The following SAXO2 variants were observed in gnomAD, a reference collection of about 807,000 sequenced individuals.
SAXO2 encodes the protein stabilizer of axonemal microtubules 2, also known as family with sequence similarity 154, member B.
In SAXO2, 17 loss-of-function variants were observed where a neutral mutation model predicts 18.7. The observed-to-expected ratio is 0.91, with a 90% CI of 0.62 to 1.36. The LOEUF (loss-of-function observed/expected upper bound fraction) is 1.36, where lower values mean the gene tolerates loss of function less well. Ranked by LOEUF, SAXO2 falls within the 40% of genes most tolerant of loss-of-function variation. The probability of loss-of-function intolerance (pLI) is 0.00; values close to 1 mark genes in which losing one functional copy is unlikely to be tolerated. For missense variants in SAXO2, 486 were observed against 562.6 expected, an observed-to-expected ratio of 0.86 and a Z score of 1.38; for synonymous variants, 163 against 181.2, an observed-to-expected ratio of 0.90 and a Z score of 0.81.
chr15:82,269,188 G>T (rs548409978), intron 2 of SAXO2, among the ~76,000 whole-genome samples: 25 of 152,262 alleles, frequency 1.6e-4, no homozygotes, highest in Admixed American at 6.5e-4. Flanking sequence ...ATTAGAAATG[G>T]CAATCAAAAC....
chr15:82,271,342 A>G (rs567171877), intron 2 of SAXO2, among the ~76,000 whole-genome samples: 1 of 152,344 alleles, frequency 6.6e-6, no homozygotes. Context: ...AGATCCGATT[A>G]ACTGAGATCT....
chr15:82,267,254 A>G (rs753991735), intron 2 of SAXO2, among the ~76,000 whole-genome samples: 7 of 152,176 alleles, frequency 4.6e-5, no homozygotes, highest in Non-Finnish European at 7.3e-5. Flanking sequence ...ATGTAAGATG[A>G]ATATTGGTTC....
intron 2 of SAXO2, among the ~76,000 whole-genome samples, chr15:82,266,929 A>G (rs2075223816): frequency 6.6e-6 from 1 of 152,198 alleles, no homozygotes. Flanking sequence ...TATACTTTTC[A>G]TTTGGACTTA....
At chr15:82,281,202 T>C (rs1274698668) in intron 3 of SAXO2, among the ~76,000 whole-genome samples, 3 of 152,160 alleles carry the variant, frequency 2.0e-5, no homozygotes, top group Non-Finnish European at 2.9e-5. Flanking sequence ...CATGGAGAAA[T>C]AGAAAACACA....
intron 3 of SAXO2, among the ~76,000 whole-genome samples, chr15:82,280,218 C>T (rs2075351352): frequency 6.6e-6 from 1 of 152,036 alleles, no homozygotes; most frequent in African/African-American, 2.4e-5. Context: ...TACATTCATA[C>T]TATTGTATGC....
chr15:82,273,199 C>T lies in SAXO2; in HGVS notation c.433+1397C>T, dbSNP rs148187761. Among the ~76,000 whole-genome samples the T allele has an allele frequency of 3.1e-4, 47 of 152,222 alleles. No individual in the cohort carries two copies. In the East Asian group the frequency reaches 5.0e-3, roughly 16 times the overall value. On this transcript the variant is annotated intron_variant, in intron 3 of 3. Coordinates refer to ENST00000682753, the MANE Select transcript of SAXO2 (RefSeq NM_001348699.2). ...GGGATTACAGATGTGAGCCCCTGCACCTGGCCTAAAAATAGGCTATTTTAG... is the reference window on the plus strand; with the variant it reads ...GGGATTACAGATGTGAGCCCCTGCATCTGGCCTAAAAATAGGCTATTTTAG...
At chr15:82,271,137 A>G (rs1000022697) in intron 2 of SAXO2, among the ~76,000 whole-genome samples, 4 of 152,244 alleles carry the variant, frequency 2.6e-5, no homozygotes, top group African/African-American at 9.6e-5. Context: ...ATAAGCGAGA[A>G]AACAGCATGA....
intron 2 of SAXO2, among the ~76,000 whole-genome samples, chr15:82,269,389 G>T (rs1220355222): frequency 6.6e-6 from 1 of 152,146 alleles, no homozygotes; most frequent in African/African-American, 2.4e-5. Flanking sequence ...AGAGAGAGTA[G>T]CTTGTAGCAG....
intron 2 of SAXO2, among the ~76,000 whole-genome samples, chr15:82,267,129 T>A (rs1409763045): frequency 2.6e-5 from 4 of 152,162 alleles, no homozygotes; most frequent in African/African-American, 9.7e-5. Flanking sequence ...TTTGCCAAGG[T>A]TGAGGGTGCA....
At position 82,282,956 on chromosome 15, in the gene SAXO2, T is replaced by C; in HGVS notation, c.1271T>C (p.Ile424Thr). 6.2e-7 allele frequency: 1 copy of C among 1,614,090 alleles called. No individual in the cohort carries two copies. The highest frequency in any genetic ancestry group is 8.5e-7 in the Non-Finnish European group (1 of 1,180,000). ...SVEYTPKRQE[I>T]CPASYPSPPG... is the part of the protein sequence containing the mutation. ...GAGTACACACCGAAAAGACAGGAAA[T>C]TTGCCCAGCCAGCTATCCCTCTCCT... Residue 424 changes from isoleucine to threonine, a missense_variant, in exon 4 of 4, where the codon ATT becomes ACT. Coordinates refer to ENST00000682753, the MANE Select transcript of SAXO2 (RefSeq NM_001348699.2).
chr15:82,266,272 G>A (rs1364174059), intron 2 of SAXO2, among the ~76,000 whole-genome samples: 13 of 152,216 alleles, frequency 8.5e-5, no homozygotes, highest in Non-Finnish European at 1.3e-4. Flanking sequence ...GCCTGACCTA[G>A]AGGAATGCAG....
At chr15:82,280,732 C>T (rs903789958) in intron 3 of SAXO2, among the ~76,000 whole-genome samples, 1 of 152,198 alleles carries the variant, frequency 6.6e-6, no homozygotes, top group Non-Finnish European at 1.5e-5. Flanking sequence ...GTAACTTCAG[C>T]TTTCCATAGC....
At chr15:82,273,054 C>T (rs967999191) in intron 3 of SAXO2, among the ~76,000 whole-genome samples, 3 of 149,372 alleles carry the variant, frequency 2.0e-5, no homozygotes, top group Non-Finnish European at 3.0e-5. Context: ...TACAGGCACC[C>T]GCCACCATGC....
intron 3 of SAXO2, 32 bp downstream of exon 3, chr15:82,271,834 A>G (rs1401796264): frequency 1.3e-6 from 2 of 1,566,388 alleles, no homozygotes; most frequent in African/African-American, 2.7e-5. Flanking sequence ...GAAGGAGCCA[A>G]AAAACTAAAA....
intron 2 of SAXO2, among the ~76,000 whole-genome samples, chr15:82,267,238 A>G (rs933020741): frequency 6.6e-6 from 1 of 152,220 alleles, no homozygotes. Context: ...ACATCAGTCA[A>G]CATATATGTA....
At chr15:82,272,867 T>C (rs1268921593) in intron 3 of SAXO2, among the ~76,000 whole-genome samples, 2 of 151,556 alleles carry the variant, frequency 1.3e-5, no homozygotes, top group East Asian at 1.9e-4. Context: ...TAAAATACTC[T>C]AGTACTTTTG....
chr15:82,273,659 A>G (rs2075291178), intron 3 of SAXO2, among the ~76,000 whole-genome samples: 1 of 152,058 alleles, frequency 6.6e-6, no homozygotes, highest in African/African-American at 2.4e-5. Flanking sequence ...AATTGCTGAT[A>G]AATAGATTGA....
chr15:82,267,242 A>G (rs1367098835), intron 2 of SAXO2, among the ~76,000 whole-genome samples: 1 of 152,198 alleles, frequency 6.6e-6, no homozygotes, highest in Non-Finnish European at 1.5e-5. Context: ...CAGTCAACAT[A>G]TATGTAAGAT....
Position 82,267,002 on chromosome 15 carries a change from T to G in SAXO2, c.233+1254T>G, listed in dbSNP as rs549836701. On this transcript the variant is annotated intron_variant, in intron 2 of 3. Transcript: ENST00000682753. ...GTATTACATTTACTCATTATTTTATTTAAACTGTTAATGTATGTGCTGTAT... is the reference window on the plus strand; with the variant it reads ...GTATTACATTTACTCATTATTTTATGTAAACTGTTAATGTATGTGCTGTAT... Among the ~76,000 whole-genome samples, 3 of 152,348 alleles carry G rather than the reference T, an allele frequency of 2.0e-5. No homozygotes were observed. In the South Asian group the frequency reaches 6.2e-4, roughly 32 times the overall value.
Sources: allele counts gnomAD v4.1 joint callset (sites outside exome capture counted in the v4.1 genomes callset), GRCh38; gene constraint gnomAD v4.1.1; transcripts MANE v1.5; gene names NCBI Gene and HGNC (gene_info 2026-07-23, HGNC 2026-07-21).